Variants in DNAAF11 observed in about 807,000 individuals in gnomAD.
DNAAF11 encodes the protein leucine rich repeat containing 6.
A neutral mutation model predicts 60.8 loss-of-function variants in DNAAF11; 45 were observed. The ratio of observed to expected loss-of-function variants is 0.74; its 90% CI spans 0.58 to 0.95. DNAAF11 has a LOEUF of 0.95. DNAAF11 is among the 40% of genes least tolerant of loss of function. The pLI is 0.00. For synonymous variants in DNAAF11, 191 were observed against 183.5 expected (o/e 1.04, Z -0.33); for missense variants, 546 against 546.2 (o/e 1.00, Z 0.00).
chr8:132,586,075 A>G (rs142056819), intron 10 of DNAAF11, among the ~76,000 whole-genome samples: 104 of 152,314 alleles, frequency 6.8e-4, no homozygotes, highest in African/African-American at 2.4e-3. Context: ...TAGAATTAAG[A>G]AGATATTTTT....
At chr8:132,584,744 G>C (rs563089205) in intron 10 of DNAAF11, among the ~76,000 whole-genome samples, 55 of 152,190 alleles carry the variant, frequency 3.6e-4, no homozygotes, top group Non-Finnish European at 7.4e-4. Flanking sequence ...ATTATCTCAA[G>C]GGTGAAGGCT....
At chr8:132,642,593 G>A (rs981656356) in intron 3 of DNAAF11, among the ~76,000 whole-genome samples, 1 of 152,194 alleles carries the variant, frequency 6.6e-6, no homozygotes, top group African/African-American at 2.4e-5. Flanking sequence ...ACTCCACCAC[G>A]CTCAGAGACC....
chr8:132,622,594 T>TA lies in DNAAF11; in HGVS notation c.914+16dup. ...TGACACTTTTGGGTCTTTAACGCTC[T>TA]ATTTGGCCTCACATACTTGGGCTCA... is the stretch of plus-strand genomic sequence containing the variant. On this transcript the variant is annotated intron_variant, in intron 7 of 11. Coordinates refer to ENST00000620350, the MANE Select transcript of DNAAF11 (RefSeq NM_012472.6). The TA allele has an allele frequency of 6.2e-7, 1 of 1,603,732 alleles. No individual in the cohort carries two copies.
Position 132,594,727 on chromosome 8 carries a change from G to A in DNAAF11, c.1141-10948C>T, listed in dbSNP as rs192004397. 2.9e-3 allele frequency among the ~76,000 whole-genome samples: 437 copies of A among 152,292 alleles called. 3 individuals carry two copies. Among genetic ancestry groups the A allele is most frequent in the Middle Eastern group, 0.017 (5 of 294 alleles). ...CACAGGCTCTCTCACCTGCTGTCAT[G>A]TAAGATGTGCCTGCTTCCCCGTCCA... is the stretch of plus-strand genomic sequence containing the variant. On this transcript the variant is annotated intron_variant, in intron 10 of 11. Transcript: ENST00000620350.
chr8:132,601,840 G>A (rs1817654776), intron 10 of DNAAF11, among the ~76,000 whole-genome samples: 1 of 152,108 alleles, frequency 6.6e-6, no homozygotes, highest in Admixed American at 6.6e-5. Context: ...GTTAATGGGT[G>A]CAGCACACCA....
At chr8:132,604,307 G>GT (rs1443888653) in intron 10 of DNAAF11, among the ~76,000 whole-genome samples, 3 of 152,140 alleles carry the variant, frequency 2.0e-5, no homozygotes, top group African/African-American at 7.2e-5. Flanking sequence ...TTGAGATTGT[G>GT]TTTTTTAGAA....
chr8:132,600,526 C>A (rs1056110983), intron 10 of DNAAF11, among the ~76,000 whole-genome samples: 2 of 152,212 alleles, frequency 1.3e-5, no homozygotes, highest in African/African-American at 4.8e-5. Flanking sequence ...TCAAACTACA[C>A]TACAAGGCTA....
In DNAAF11 at chr8:132,615,096, T is replaced by C. The variant is rs1273792860; in HGVS notation, c.916A>G (p.Ile306Val). The stretch of plus-strand genomic sequence containing the variant: ...TCGTTATCTTTCAAAGAGAAGTCAA[T>C]TCTAAGAATAACACATTTGGTGGGA... ...GKALNVNEPK[I>V]DFSLKDNEKQ... Residue 306 changes from isoleucine (I) to valine (V), a missense_variant and splice_region_variant, in exon 8 of 12, where the codon ATT becomes GTT. By Grantham distance (29) the Ile-to-Val change is conservative. Transcript: ENST00000620350. The C allele has an allele frequency of 6.2e-7, 1 of 1,601,404 alleles. No individual in the cohort carries two copies. The highest frequency in any genetic ancestry group is 8.6e-7 in the Non-Finnish European group (1 of 1,169,304).
the DNAAF11 span, among the ~76,000 whole-genome samples, chr8:132,696,944 GCT>G: frequency 9.9e-5 from 15 of 152,122 alleles, no homozygotes; most frequent in African/African-American, 3.4e-4. Flanking sequence ...TGGGTACTAG[GCT>G]TAGTACCTGG....
chr8:132,693,025 C>A, the DNAAF11 span, among the ~76,000 whole-genome samples: 3 of 152,170 alleles, frequency 2.0e-5, no homozygotes, highest in East Asian at 3.9e-4. Flanking sequence ...AGGACAGAAC[C>A]ACATCACAAC....
intron 2 of DNAAF11, among the ~76,000 whole-genome samples, chr8:132,660,292 A>G (rs1221298158): frequency 6.6e-6 from 1 of 152,080 alleles, no homozygotes; most frequent in Non-Finnish European, 1.5e-5. Flanking sequence ...TTAGTTACAT[A>G]TGTATACATG....
chr8:132,602,929 G>A (rs1278876714), intron 10 of DNAAF11, among the ~76,000 whole-genome samples: 1 of 152,038 alleles, frequency 6.6e-6, no homozygotes, highest in African/African-American at 2.4e-5. Context: ...TAGATAGTGT[G>A]AAGACAGGCT....
chr8:132,678,874 G>A (rs1394138030), upstream of DNAAF11, among the ~76,000 whole-genome samples: 1 of 152,038 alleles, frequency 6.6e-6, no homozygotes. Flanking sequence ...ACTAGGACAT[G>A]TGCCTTGGAT....
upstream of DNAAF11, among the ~76,000 whole-genome samples, chr8:132,676,075 A>AT (rs1226019448): frequency 2.6e-5 from 4 of 152,192 alleles, no homozygotes; most frequent in African/African-American, 9.7e-5. Context: ...CACTATAAAG[A>AT]TTCGTTGTCG....
intron 3 of DNAAF11, among the ~76,000 whole-genome samples, chr8:132,646,442 A>C (rs1265007707): frequency 7.2e-5 from 11 of 152,222 alleles, no homozygotes; most frequent in Non-Finnish European, 1.5e-4. Context: ...CAAGCAAAAT[A>C]ACCAGCTAAC....
chr8:132,661,040 G>C (rs1824081908), intron 2 of DNAAF11, among the ~76,000 whole-genome samples: 1 of 151,894 alleles, frequency 6.6e-6, no homozygotes, highest in African/African-American at 2.4e-5. Context: ...CACATATATG[G>C]TCACAATAAA....
At chr8:132,643,902 T>C (rs1399178752) in intron 3 of DNAAF11, among the ~76,000 whole-genome samples, 1 of 152,228 alleles carries the variant, frequency 6.6e-6, no homozygotes, top group African/African-American at 2.4e-5. Context: ...TATATTACTA[T>C]GCTAAAAATA....
At chr8:132,674,321 A>G (rs1825557479) in intron 1 of DNAAF11, among the ~76,000 whole-genome samples, 1 of 152,030 alleles carries the variant, frequency 6.6e-6, no homozygotes, top group Admixed American at 6.5e-5. Flanking sequence ...TTAGGAAAGG[A>G]GTTTCAACAT....
chr8:132,676,715 G>C (rs1248873799), upstream of DNAAF11, among the ~76,000 whole-genome samples: 1 of 152,160 alleles, frequency 6.6e-6, no homozygotes, highest in East Asian at 1.9e-4. Context: ...GGGGGAAGCA[G>C]AAACATCAGT....
Sources: allele counts gnomAD v4.1 joint callset (sites outside exome capture counted in the v4.1 genomes callset), GRCh38; gene constraint gnomAD v4.1.1; transcripts MANE v1.5; gene names NCBI Gene and HGNC (gene_info 2026-07-23, HGNC 2026-07-21).